The following MSN variants were observed in gnomAD, a reference collection of about 807,000 sequenced individuals.
The protein encoded by MSN is epididymis luminal protein 70.
Under a neutral mutation model 48.0 loss-of-function variants are expected in MSN, and 2 were observed. The observed-to-expected ratio is 0.04, with a 90% CI of 0.02 to 0.13. The LOEUF (loss-of-function observed/expected upper bound fraction) is 0.13, where lower values mean the gene tolerates loss of function less well. MSN is among the 10% of genes least tolerant of loss of function. The pLI is 1.00. For missense variants in MSN, 267 were observed against 470.1 expected (o/e 0.57, Z 3.99); for synonymous variants, 146 against 166.9 (o/e 0.87, Z 0.97).
chrX:65,612,487 T>A (rs2070328402), intron 1 of MSN, among the ~76,000 whole-genome samples: 1 of 111,556 alleles, frequency 9.0e-6, no homozygotes, highest in South Asian at 3.7e-4. Flanking sequence ...TACTAACTCC[T>A]TATCATATAT....
chrX:65,720,146 C>T (rs1420744250), intron 2 of MSN, among the ~76,000 whole-genome samples: 1 of 112,024 alleles, frequency 8.9e-6, no homozygotes, highest in Non-Finnish European at 1.9e-5. Context: ...ATACTATGGC[C>T]TATTCCTGGC....
chrX:65,618,221 G>A (rs992617715), intron 1 of MSN, among the ~76,000 whole-genome samples: 6 of 111,469 alleles, frequency 5.4e-5, no homozygotes, highest in Admixed American at 4.8e-4. Flanking sequence ...TGTCTATTAG[G>A]TCCGCTTGGT....
rs1569453704 is a variant in MSN, at chrX:65,611,160, TC to T, written c.-22+22549del. Among the ~76,000 whole-genome samples the T allele has an allele frequency of 3.5e-3, 352 of 101,755 alleles. 6 individuals are homozygous for T. Among genetic ancestry groups the T allele is most frequent in the African/African-American group, 0.014 (331 of 23,807 alleles). 88.4% of individuals were successfully genotyped at this position (101,755 alleles called of 115,157 possible). ...TCCATCCTTCCTTTCTTTCTTTCTT[TC>T]TTTCTATTTTTTTTTTTTTTTGGAG... is the stretch of plus-strand genomic sequence containing the variant. On this transcript the variant is annotated intron_variant, in intron 1 of 3. Coordinates refer to the MSN transcript ENST00000609672.
rs944087639 is a variant in MSN at position 65,715,542 on chromosome X, T to G, written c.13-1276T>G. ...AGTTCTTCTTGTAGAGATCTTTCGCTTCCCTAGTTAACAGTATTCCTAGAT... is the reference window on the plus strand; with the variant it reads ...AGTTCTTCTTGTAGAGATCTTTCGCGTCCCTAGTTAACAGTATTCCTAGAT... On this transcript the variant is annotated intron_variant, in intron 1 of 12. Transcript: ENST00000360270. Among the ~76,000 whole-genome samples, 33 of 111,824 alleles carry G rather than the reference T, an allele frequency of 3.0e-4. 1 individual carries two copies. Among genetic ancestry groups the G allele is most frequent in the African/African-American group, 1.1e-3 (33 of 30,714 alleles).
At chrX:65,590,995 T>G (rs1313140416) in intron 1 of MSN, among the ~76,000 whole-genome samples, 1 of 111,334 alleles carries the variant, frequency 9.0e-6, no homozygotes, top group Non-Finnish European at 1.9e-5. Flanking sequence ...ATCTTCTGTT[T>G]GTTGCCTGCA....
intron 1 of MSN, among the ~76,000 whole-genome samples, chrX:65,654,356 C>T (rs1402626666): frequency 9.2e-6 from 1 of 108,444 alleles, no homozygotes; most frequent in Non-Finnish European, 1.9e-5. Context: ...CTCCTGACCT[C>T]GTGATCGGCC....
intron 1 of MSN, among the ~76,000 whole-genome samples, chrX:65,655,457 C>T (rs1035424908): frequency 6.2e-5 from 7 of 112,128 alleles, no homozygotes; most frequent in African/African-American, 1.9e-4. Flanking sequence ...ATTTTATAGA[C>T]CCTTAGGGCA....
intron 2 of MSN, among the ~76,000 whole-genome samples, chrX:65,723,432 A>G (rs2071536762): frequency 3.6e-5 from 4 of 110,188 alleles, no homozygotes; most frequent in Admixed American, 2.9e-4. Flanking sequence ...CTGCTTAAGG[A>G]TTTTTTCCAT....
chrX:65,650,722 C>T (rs747764156), intron 1 of MSN, among the ~76,000 whole-genome samples: 9 of 112,236 alleles, frequency 8.0e-5, no homozygotes, highest in East Asian at 2.8e-4. Context: ...CCATGTGTCC[C>T]GTAACAAATT....
chrX:65,621,207 G>A (rs751003120), intron 1 of MSN, among the ~76,000 whole-genome samples: 2 of 111,641 alleles, frequency 1.8e-5, no homozygotes, highest in African/African-American at 6.5e-5. Flanking sequence ...GAGCCTCCGT[G>A]CCCTGCCCAG....
At chrX:65,732,051 G>A (rs1320621475) in intron 6 of MSN, 67 bp downstream of exon 6, 1 of 1,089,890 alleles carries the variant, frequency 9.2e-7, no homozygotes, top group Non-Finnish European at 1.2e-6. Context: ...TTTCACCAAG[G>A]AGCAGGGCCA....
At chrX:65,689,575 C>G (rs756477877) in intron 1 of MSN, among the ~76,000 whole-genome samples, 1 of 111,383 alleles carries the variant, frequency 9.0e-6, no homozygotes, top group East Asian at 2.8e-4. Context: ...TTCCTGGTCA[C>G]AAGCAGTTGG....
chrX:65,628,728 G>A (rs2070529246), intron 1 of MSN, among the ~76,000 whole-genome samples: 1 of 110,268 alleles, frequency 9.1e-6, no homozygotes, highest in African/African-American at 3.3e-5. Context: ...TGCATCATCA[G>A]GCTTCAAATT....
At chrX:65,735,069 G>T (rs1028360176) in intron 7 of MSN, among the ~76,000 whole-genome samples, 198 bp from the exon 8 acceptor site, 1 of 112,124 alleles carries the variant, frequency 8.9e-6, no homozygotes, top group African/African-American at 3.2e-5. Flanking sequence ...AAGAAACCTG[G>T]GTTTCTAGTC....
At chrX:65,623,586 G>A (rs759688501) in intron 1 of MSN, among the ~76,000 whole-genome samples, 14 of 109,590 alleles carry the variant, frequency 1.3e-4, no homozygotes, top group South Asian at 7.6e-4. Flanking sequence ...CAAGGTGGGC[G>A]GATCACCCGA....
intron 1 of MSN, among the ~76,000 whole-genome samples, chrX:65,658,726 T>C (rs2070799999): frequency 8.9e-6 from 1 of 112,216 alleles, no homozygotes; most frequent in Non-Finnish European, 1.9e-5. Flanking sequence ...AGATCTAGGA[T>C]GGGAACAATA....
At chrX:65,650,223 G>C (rs2070732187) in intron 1 of MSN, among the ~76,000 whole-genome samples, 1 of 108,289 alleles carries the variant, frequency 9.2e-6, no homozygotes, top group Non-Finnish European at 1.9e-5. Flanking sequence ...AAATAGCTGG[G>C]ACCACAGGTG....
At chrX:65,656,226 C>CTGGGAGA (rs2070779828) in intron 1 of MSN, among the ~76,000 whole-genome samples, 1 of 109,304 alleles carries the variant, frequency 9.1e-6, no homozygotes, top group African/African-American at 3.4e-5. Flanking sequence ...ATAGTGTTTA[C>CTGGGAGA]CTAAGGCAGA....
intron 1 of MSN, among the ~76,000 whole-genome samples, chrX:65,695,346 C>A (rs1016801728): frequency 9.2e-6 from 1 of 108,877 alleles, no homozygotes; most frequent in Non-Finnish European, 1.9e-5. Flanking sequence ...ACTAAAAATA[C>A]AAAATTAGCC....
Sources: gnomAD v4.1 joint callset for allele counts (sites outside exome capture counted in the v4.1 genomes callset) on GRCh38, gnomAD v4.1.1 for gene constraint, MANE v1.5 for transcripts, NCBI Gene and HGNC (gene_info 2026-07-23, HGNC 2026-07-21) for gene names.